C4orf51: variants seen among roughly 807,000 people sequenced by gnomAD.
C4orf51 encodes chromosome 4 open reading frame 51.
A neutral mutation model predicts 25.2 loss-of-function variants in C4orf51; 25 were observed. That is an observed-to-expected ratio of 0.99 (90% CI 0.72 to 1.39). C4orf51 has a LOEUF of 1.39. Ranked by LOEUF, C4orf51 falls within the 40% of genes most tolerant of loss-of-function variation. The pLI, the probability that C4orf51 is intolerant of heterozygous loss-of-function variation, is 0.00. For synonymous variants in C4orf51, 100 were observed against 84.5 expected, an observed-to-expected ratio of 1.18 and a Z score of -1.01; for missense variants, 252 against 239.6, an observed-to-expected ratio of 1.05 and a Z score of -0.34.
chr4:145,702,202 A>G (rs1335280021), intron 2 of C4orf51, among the ~76,000 whole-genome samples: 1 of 152,056 alleles, frequency 6.6e-6, no homozygotes, highest in Non-Finnish European at 1.5e-5. Context: ...CTAAAACCAG[A>G]CAAGGCTTAC....
At chr4:145,781,195 C>CAAAAAAAAAAAAAAAAA in the C4orf51 span, among the ~76,000 whole-genome samples, 16 of 56,546 alleles carry the variant, frequency 2.8e-4, no homozygotes, top group African/African-American at 5.6e-4. Flanking sequence ...GACACCATCT[C>CAAAAAAAAAAAAAAAAA]AAAAAAAAAA....
chr4:145,786,314 A>C, the C4orf51 span, among the ~76,000 whole-genome samples: 4 of 152,290 alleles, frequency 2.6e-5, no homozygotes, highest in Admixed American at 2.6e-4. Flanking sequence ...ACCATCTCTC[A>C]ACCTGATTTT....
chr4:145,719,738 T>A (rs550838918), intron 2 of C4orf51, among the ~76,000 whole-genome samples: 55 of 152,124 alleles, frequency 3.6e-4, no homozygotes, highest in Non-Finnish European at 7.1e-4. Flanking sequence ...CAAACATGAT[T>A]TTAGTTATAT....
intron 5 of C4orf51, among the ~76,000 whole-genome samples, chr4:145,732,054 G>A (rs1384145809): frequency 6.6e-6 from 1 of 152,154 alleles, no homozygotes; most frequent in Non-Finnish European, 1.5e-5. Context: ...GCTGGGTAGT[G>A]CTTTTGGTAA....
chr4:145,788,058 G>A, the C4orf51 span, among the ~76,000 whole-genome samples: 355 of 152,280 alleles, frequency 2.3e-3, 2 homozygotes, highest in African/African-American at 8.1e-3. Context: ...GGAGAGCAGA[G>A]ACAGACCCAC....
chr4:145,783,294 G>A, the C4orf51 span, among the ~76,000 whole-genome samples: 1 of 152,212 alleles, frequency 6.6e-6, no homozygotes, highest in Non-Finnish European at 1.5e-5. Context: ...GAGGTGAATA[G>A]ACATTATTCT....
chr4:145,733,412 C>T (rs1732618378), downstream of C4orf51, among the ~76,000 whole-genome samples: 1 of 152,172 alleles, frequency 6.6e-6, no homozygotes, highest in South Asian at 2.1e-4. Flanking sequence ...ACCTGGGGCG[C>T]GGGAAGGAGC....
chr4:145,790,233 T>G, the C4orf51 span, among the ~76,000 whole-genome samples: 2 of 152,174 alleles, frequency 1.3e-5, no homozygotes, highest in Non-Finnish European at 2.9e-5. Context: ...AGGAAAAACA[T>G]TATCATTGTT....
At chr4:145,694,753 T>C (rs1222265196) in intron 1 of C4orf51, among the ~76,000 whole-genome samples, 3 of 150,586 alleles carry the variant, frequency 2.0e-5, no homozygotes, top group Non-Finnish European at 4.4e-5. Flanking sequence ...CCCGGCCAAG[T>C]TTTTAGTTTT....
In C4orf51 at chr4:145,680,336, G is replaced by A. The variant is rs751017498; in HGVS notation, c.133G>A (p.Val45Met). The change falls in exon 1 of 6, where the codon GTG becomes ATG. Residue 45 changes from valine (V) to methionine (M), a missense_variant. Transcript: ENST00000438731. Reference protein sequence around the residue: ...QDETRWSDSSVTTYTGSYRKK... With the variant: ...QDETRWSDSSMTTYTGSYRKK... ...TGAAACACGATGGTCAGATTCTTCCGTGACAACATACACAGGCAGTTACCG... is the reference window on the plus strand; with the variant it reads ...TGAAACACGATGGTCAGATTCTTCCATGACAACATACACAGGCAGTTACCG... The A allele has an allele frequency of 1.2e-5, 19 of 1,613,812 alleles. No homozygotes were observed. Among genetic ancestry groups the A allele is most frequent in the Admixed American group, 5.0e-5 (3 of 60,004 alleles).
intron 1 of C4orf51, among the ~76,000 whole-genome samples, chr4:145,680,747 A>T (rs6537365): frequency 6.6e-6 from 1 of 151,858 alleles, no homozygotes; most frequent in Admixed American, 6.6e-5. Flanking sequence ...TGAGAATTTC[A>T]TTTTGTTTCT....
chr4:145,741,791 A>G (rs903136908), intron 1 of C4orf51, among the ~76,000 whole-genome samples: 8 of 151,716 alleles, frequency 5.3e-5, no homozygotes, highest in African/African-American at 1.9e-4. Context: ...TCTGCCTCCC[A>G]GGCTCAAGTG....
At chr4:145,730,880 G>A (rs535745299) in intron 5 of C4orf51, among the ~76,000 whole-genome samples, 9 of 152,320 alleles carry the variant, frequency 5.9e-5, no homozygotes, top group African/African-American at 2.2e-4. Flanking sequence ...ACCCACGCTG[G>A]TTCCCAGGCA....
Position 145,765,511 on chromosome 4 carries a change from G to A in C4orf51, n.167-5477G>A, listed in dbSNP as rs749565486. On this transcript the variant is annotated intron_variant and non_coding_transcript_variant, in intron 1 of 1. Transcript: ENST00000510096. The surrounding 1 kb of genome is among the most constrained non-coding windows in gnomAD (Gnocchi z 4.7). ...TCAAGAATGGGTCATCCTGGGTGCG[G>A]AGGGTTGAGCAGGCTCACACCCACC... The A allele has an allele frequency of 2.5e-6, 4 of 1,576,502 alleles. No homozygotes were observed. The highest frequency in any genetic ancestry group is 1.2e-5 in the South Asian group (1 of 83,868).
intron 2 of C4orf51, among the ~76,000 whole-genome samples, chr4:145,715,921 G>C (rs1340350372): frequency 3.3e-5 from 5 of 152,118 alleles, no homozygotes; most frequent in Non-Finnish European, 5.9e-5. Context: ...CCAGAGCTTG[G>C]AGCTCTGGGT....
At chr4:145,729,352 C>G (rs529923632) in intron 4 of C4orf51, 123 bp downstream of exon 4, 2 of 560,984 alleles carry the variant, frequency 3.6e-6, no homozygotes, top group South Asian at 2.3e-5. Context: ...CCCAGGCTGA[C>G]GTGCAGTGGC....
chr4:145,733,507 C>G (rs1732626679), downstream of C4orf51, among the ~76,000 whole-genome samples: 1 of 152,238 alleles, frequency 6.6e-6, no homozygotes, highest in Non-Finnish European at 1.5e-5. Context: ...ACTAAAGTAG[C>G]CGCCTCCTAC....
intron 2 of C4orf51, among the ~76,000 whole-genome samples, chr4:145,724,532 A>G (rs993252847): frequency 2.4e-4 from 37 of 152,210 alleles, no homozygotes; most frequent in Non-Finnish European, 4.7e-4. Flanking sequence ...ACACCCTTTC[A>G]GCAGTTTCCC....
downstream of C4orf51, among the ~76,000 whole-genome samples, chr4:145,755,571 G>T (rs953835747): frequency 6.6e-6 from 1 of 151,816 alleles, no homozygotes; most frequent in African/African-American, 2.4e-5. Flanking sequence ...TACAAAGAAA[G>T]AATTATGAAC....
Sources: allele counts gnomAD v4.1 joint callset (sites outside exome capture counted in the v4.1 genomes callset), GRCh38; gene constraint gnomAD v4.1.1; non-coding constraint Gnocchi (gnomAD v3.1); transcripts MANE v1.5; gene names NCBI Gene and HGNC (gene_info 2026-07-23, HGNC 2026-07-21).